The following ADAMTS20 variants were observed in gnomAD, a reference collection of about 807,000 sequenced individuals.
ADAMTS20 encodes A disintegrin and metalloproteinase with thrombospondin motifs 20.
Under a neutral mutation model 260.1 loss-of-function variants are expected in ADAMTS20, and 225 were observed. The observed-to-expected ratio is 0.87, with a 90% CI of 0.78 to 0.97. The LOEUF (loss-of-function observed/expected upper bound fraction) is 0.97. Among genes scored for constraint, ADAMTS20 ranks in the 50% least tolerant of loss-of-function variants. The pLI, the probability that ADAMTS20 is intolerant of heterozygous loss-of-function variation, is 0.00. For synonymous variants in ADAMTS20, 802 were observed against 769.5 expected (o/e 1.04, Z -0.70); for missense variants, 2,400 against 2,337.7 (o/e 1.03, Z -0.55).
intron 2 of ADAMTS20, among the ~76,000 whole-genome samples, chr12:43,542,404 A>T (rs1003605111): frequency 2.0e-5 from 3 of 152,198 alleles, no homozygotes; most frequent in African/African-American, 7.2e-5. Flanking sequence ...TGCCATACAT[A>T]TGCCAGACCA....
intron 29 of ADAMTS20, among the ~76,000 whole-genome samples, chr12:43,389,715 TG>T (rs1201917044): frequency 3.3e-5 from 5 of 152,150 alleles, no homozygotes; most frequent in Admixed American, 2.0e-4. Context: ...TTTTTGTTTT[TG>T]TTTTTTTGCC....
Position 43,429,651 on chromosome 12 carries a change from T to G in ADAMTS20, c.3455A>C (p.Lys1152Thr). 1 of 1,599,594 alleles carries G rather than the reference T, an allele frequency of 6.3e-7. No individual in the cohort carries two copies. Among genetic ancestry groups the G allele is most frequent in the East Asian group, 2.2e-5 (1 of 44,648 alleles). The part of the protein sequence containing the change: ...TALLPTVLIK[K>T]MAQWRHGSWT... ...AGAACCATGTCGCCATTGTGCCATC[T>G]TTTTTATGAGAACAGTTGGTAATAA... Residue 1152 changes from lysine to threonine, a missense_variant, in exon 24 of 39, where the codon AAG (lysine) becomes ACG (threonine). Lys to Thr is a moderately conservative substitution (Grantham distance 78). Transcript: ENST00000389420.
intron 18 of ADAMTS20, among the ~76,000 whole-genome samples, chr12:43,436,289 G>C (rs982090074): frequency 6.6e-6 from 1 of 152,088 alleles, no homozygotes; most frequent in Non-Finnish European, 1.5e-5. Flanking sequence ...AATGTGTGAG[G>C]GGTAGGCCTG....
downstream of ADAMTS20, among the ~76,000 whole-genome samples, chr12:43,353,532 T>G (rs537299779): frequency 1.4e-3 from 219 of 152,122 alleles, 1 homozygote; most frequent in African/African-American, 5.0e-3. Context: ...ATCATATCTT[T>G]ATTATACCCA....
chr12:43,434,755 A>G (rs1941516808), intron 18 of ADAMTS20, among the ~76,000 whole-genome samples: 1 of 152,158 alleles, frequency 6.6e-6, no homozygotes, highest in African/African-American at 2.4e-5. Context: ...TTTTCCCATA[A>G]GAGGATTGCA....
At chr12:43,517,657 T>C (rs1280290037) in intron 3 of ADAMTS20, among the ~76,000 whole-genome samples, 1 of 152,090 alleles carries the variant, frequency 6.6e-6, no homozygotes, top group Non-Finnish European at 1.5e-5. Context: ...GATATCTCTT[T>C]TTTTCTTTTG....
intron 2 of ADAMTS20, among the ~76,000 whole-genome samples, chr12:43,537,397 T>C (rs1178787357): frequency 6.6e-6 from 1 of 152,016 alleles, no homozygotes; most frequent in East Asian, 1.9e-4. Context: ...AGTAGGTGTA[T>C]ATATTTATGG....
Position 43,354,041 on chromosome 12 carries a change from G to A in ADAMTS20, c.*168C>T. The A allele has an allele frequency of 2.3e-6, 1 of 429,604 alleles. No individual in the cohort carries two copies. The highest frequency in any genetic ancestry group is 3.6e-5 in the East Asian group (1 of 27,596). 26.6% of individuals were successfully genotyped at this position (429,604 alleles called of 1,614,324 possible). A position where few individuals can be genotyped will look rare whatever the true frequency, so the allele number is the denominator to read the frequency against. ...AGATAGCTCTTAAATTTCTTTTATA[G>A]ACCTTATTAAGCAGTGATTTGAATC... is the stretch of plus-strand genomic sequence containing the variant. On this transcript the variant is annotated 3_prime_UTR_variant, in exon 39 of 39. Transcript: ENST00000389420.
At chr12:43,369,244 A>AT (rs1240410932) in intron 37 of ADAMTS20, 46 bp downstream of exon 37, 13 of 1,243,166 alleles carry the variant, frequency 1.0e-5, no homozygotes, top group South Asian at 4.0e-5. Flanking sequence ...AGAAGCTATA[A>AT]TTTTTTTCAC....
chr12:43,355,327 C>G (rs1939721689), intron 38 of ADAMTS20, among the ~76,000 whole-genome samples: 1 of 152,150 alleles, frequency 6.6e-6, no homozygotes, highest in Non-Finnish European at 1.5e-5. Flanking sequence ...GTTTGCATTT[C>G]TGTAAGTATA....
intron 2 of ADAMTS20, among the ~76,000 whole-genome samples, chr12:43,534,653 A>G (rs1259842433): frequency 6.6e-6 from 1 of 152,216 alleles, no homozygotes; most frequent in African/African-American, 2.4e-5. Context: ...ACAAACAAAC[A>G]AAAAGAGAAA....
At chr12:43,391,625 T>C (rs780074117) in intron 29 of ADAMTS20, among the ~76,000 whole-genome samples, 80 of 152,170 alleles carry the variant, frequency 5.3e-4, no homozygotes, top group Non-Finnish European at 9.0e-4. Context: ...TTGGAGGTCA[T>C]AATGAGTAAT....
chr12:43,383,479 C>G (rs1266172934), intron 31 of ADAMTS20, 79 bp downstream of exon 31: 1 of 1,402,688 alleles, frequency 7.1e-7, no homozygotes, highest in East Asian at 2.3e-5. Flanking sequence ...ATTTTATACC[C>G]AGTTTCAGCT....
chr12:43,417,604 G>A (rs898606636), intron 28 of ADAMTS20, among the ~76,000 whole-genome samples: 5 of 152,158 alleles, frequency 3.3e-5, no homozygotes, highest in Non-Finnish European at 5.9e-5. Flanking sequence ...TATAAGGTTT[G>A]AGAGATCTTA....
intron 31 of ADAMTS20, among the ~76,000 whole-genome samples, chr12:43,379,192 C>T (rs575925417): frequency 5.3e-5 from 8 of 152,234 alleles, no homozygotes; most frequent in South Asian, 2.1e-4. Flanking sequence ...TTGACCTGAC[C>T]TGCTCAGTGC....
chr12:43,454,100 G>A, intron 11 of ADAMTS20, 48 bp from the exon 12 acceptor site: 2 of 1,574,256 alleles, frequency 1.3e-6, no homozygotes, highest in South Asian at 2.3e-5. Context: ...TCTCTAATTA[G>A]AACATCACAA....
At chr12:43,439,840 CAGT>C (rs1941627293) in intron 17 of ADAMTS20, 54 bp downstream of exon 17, 2 of 1,556,610 alleles carry the variant, frequency 1.3e-6, no homozygotes, top group East Asian at 4.6e-5. Flanking sequence ...AGCACTTAAC[CAGT>C]AGTTTACTAA....
chr12:43,518,675 A>G (rs780511371), intron 3 of ADAMTS20, among the ~76,000 whole-genome samples: 6 of 151,920 alleles, frequency 3.9e-5, no homozygotes, highest in Non-Finnish European at 7.4e-5. Context: ...TCTATTGCCT[A>G]CTTCTCTCCC....
intron 4 of ADAMTS20, among the ~76,000 whole-genome samples, chr12:43,501,464 C>T (rs971418794): frequency 1.0e-4 from 7 of 67,256 alleles, no homozygotes; most frequent in South Asian, 3.8e-4. Context: ...GGGGGATACG[C>T]GCGCGCGCGC....
Sources: allele counts gnomAD v4.1 joint callset (sites outside exome capture counted in the v4.1 genomes callset), GRCh38; gene constraint gnomAD v4.1.1; transcripts MANE v1.5; gene names NCBI Gene and HGNC (gene_info 2026-07-23, HGNC 2026-07-21).